The following BBOX1 variants were observed in gnomAD, a reference collection of about 807,000 sequenced individuals.
BBOX1 encodes the protein gamma-butyrobetaine hydroxylase 1.
A neutral mutation model predicts 41.6 loss-of-function variants in BBOX1; 35 were observed. The observed-to-expected ratio is 0.84, with a 90% CI of 0.64 to 1.11. BBOX1 has a LOEUF of 1.11. Among genes scored for constraint, BBOX1 ranks in the 50% most tolerant of loss-of-function variants. BBOX1 has a pLI of 0.00. For missense variants in BBOX1, 458 were observed against 460.6 expected, an observed-to-expected ratio of 0.99 and a Z score of 0.05; for synonymous variants, 163 against 154.7, an observed-to-expected ratio of 1.05 and a Z score of -0.40.
chr11:27,073,299 G>A (rs1185315132), intron 4 of BBOX1, among the ~76,000 whole-genome samples: 3 of 152,172 alleles, frequency 2.0e-5, no homozygotes, highest in African/African-American at 7.2e-5. Flanking sequence ...GCAGCCAACA[G>A]TCACATGAAA....
intron 2 of BBOX1, among the ~76,000 whole-genome samples, chr11:27,042,650 G>A (rs1292568470): frequency 6.6e-6 from 1 of 151,816 alleles, no homozygotes; most frequent in Non-Finnish European, 1.5e-5. Flanking sequence ...GCTTCTAATT[G>A]CTTTATAGAA....
rs1427729847 is a variant in BBOX1 at position 27,119,654 on chromosome 11, G to T, written c.645G>T (p.Gln215His). The stretch of plus-strand genomic sequence containing the variant: ...TGCATATTTTCTTTTTATAGGTTCA[G>T]CTTCTTCACTGCATAAAGCAAACAG... The part of the protein sequence containing the change: ...YPALHHPPGV[Q>H]LLHCIKQTVT... Residue 215 changes from glutamine (Q) to histidine (H), a missense_variant, in exon 7 of 9, where the codon CAG (glutamine) becomes CAT (histidine). By Grantham distance (24) the Gln-to-His change is conservative. Transcript: ENST00000263182. The T allele has an allele frequency of 6.9e-7, 1 of 1,438,922 alleles. No homozygotes were observed. The highest frequency in any genetic ancestry group is 1.8e-5 in the South Asian group (1 of 54,296). The allele number at this position is 1,438,922 out of a possible 1,614,324, so 89.1% of individuals were successfully genotyped here. A position where few individuals can be genotyped will look rare whatever the true frequency, so the allele number is the denominator to read the frequency against.
intron 8 of BBOX1, 104 bp from the exon 9 acceptor site, chr11:27,127,189 T>G: frequency 1.6e-6 from 2 of 1,240,976 alleles, no homozygotes; most frequent in South Asian, 2.7e-5. Flanking sequence ...GCGATGATTC[T>G]TGATGTGAAC....
chr11:27,067,654 CCGAGGCTGAGACAGGAG>C (rs1462463434), intron 4 of BBOX1, among the ~76,000 whole-genome samples: 5 of 69,376 alleles, frequency 7.2e-5, no homozygotes, highest in Non-Finnish European at 1.7e-4. Flanking sequence ...TGCTTGAACC[CCGAGGCTGAGACAGGAG>C]AATTGCTTGA....
In BBOX1 at chr11:27,127,502, A is replaced by T; in HGVS notation, c.*49A>T. Reference sequence around the variant, plus strand: ...AAGATTCCAATGACCATATTTTGTGAGATATGGCACATTATTCACAGACCA... The same window carrying T: ...AAGATTCCAATGACCATATTTTGTGTGATATGGCACATTATTCACAGACCA... On this transcript the variant is annotated 3_prime_UTR_variant, in exon 9 of 9. Transcript: ENST00000263182. 1 of 1,556,926 alleles carries T rather than the reference A, an allele frequency of 6.4e-7. No homozygotes were observed. The highest frequency in any genetic ancestry group is 1.2e-5 in the South Asian group (1 of 83,720).
intron 4 of BBOX1, among the ~76,000 whole-genome samples, chr11:27,085,123 T>C: frequency 6.6e-6 from 1 of 152,180 alleles, no homozygotes. Flanking sequence ...AATTACTCTT[T>C]CAACACATAC....
chr11:27,103,347 G>C (rs139171763), intron 5 of BBOX1, among the ~76,000 whole-genome samples: 3 of 152,126 alleles, frequency 2.0e-5, no homozygotes, highest in African/African-American at 7.2e-5. Flanking sequence ...ATTTTTTTCA[G>C]AAAATGTTTC....
chr11:27,109,808 G>A (rs1454551000), intron 5 of BBOX1, among the ~76,000 whole-genome samples: 2 of 151,800 alleles, frequency 1.3e-5, no homozygotes, highest in Non-Finnish European at 2.9e-5. Context: ...CATAGTGTAT[G>A]GGGGAATACC....
chr11:27,092,468 A>G (rs541686831), intron 4 of BBOX1, among the ~76,000 whole-genome samples: 10 of 152,046 alleles, frequency 6.6e-5, no homozygotes, highest in African/African-American at 2.4e-4. Context: ...TTGCAAGCCA[A>G]TTATTTTTTA....
intron 2 of BBOX1, among the ~76,000 whole-genome samples, chr11:27,047,682 A>C (rs1353726741): frequency 2.0e-5 from 3 of 152,140 alleles, no homozygotes; most frequent in African/African-American, 7.2e-5. Context: ...TTATTCCTAC[A>C]AGAACCTAAG....
intron 4 of BBOX1, among the ~76,000 whole-genome samples, chr11:27,089,191 T>A (rs1420844587): frequency 8.2e-4 from 1 of 1,220 alleles, no homozygotes. Context: ...TTTATTTAAA[T>A]TAATTAAAAT....
chr11:27,086,511 A>C (rs1858045579), intron 4 of BBOX1, among the ~76,000 whole-genome samples: 1 of 152,142 alleles, frequency 6.6e-6, no homozygotes, highest in South Asian at 2.1e-4. Context: ...GTTGAGACTC[A>C]CTGCTCAGAA....
intron 6 of BBOX1, among the ~76,000 whole-genome samples, chr11:27,117,375 T>C (rs551493064): frequency 6.6e-6 from 1 of 152,174 alleles, no homozygotes; most frequent in Admixed American, 6.6e-5. Flanking sequence ...TAAATTATTT[T>C]GTTGATTGTA....
Position 27,119,860 on chromosome 11 carries a change from T to C in BBOX1, c.836+15T>C, listed in dbSNP as rs1428710044. ...AAAATTATAGAGTAAGTACTATTTA[T>C]AAATTTCCCATAGCAATAAAAGAAT... On this transcript the variant is annotated intron_variant, in intron 7 of 8. Transcript: ENST00000263182. 40 of 1,331,894 alleles carry C rather than the reference T, an allele frequency of 3.0e-5. No individual in the cohort carries two copies. Among genetic ancestry groups the C allele is most frequent in the Non-Finnish European group, 3.8e-5 (39 of 1,014,960 alleles). 82.5% of individuals were successfully genotyped at this position (1,331,894 alleles called of 1,614,324 possible). A position where few individuals can be genotyped will look rare whatever the true frequency, so the allele number is the denominator to read the frequency against.
chr11:27,065,216 G>A (rs763586737), intron 4 of BBOX1, among the ~76,000 whole-genome samples: 2 of 152,116 alleles, frequency 1.3e-5, no homozygotes, highest in Non-Finnish European at 2.9e-5. Flanking sequence ...TTTCTCACTG[G>A]TATAATTCTT....
intron 3 of BBOX1, 129 bp from the exon 4 acceptor site, chr11:27,057,064 TAAAAAAAA>T: frequency 2.1e-5 from 3 of 144,816 alleles, no homozygotes; most frequent in South Asian, 1.9e-4. Flanking sequence ...GACTCCGACT[TAAAAAAAA>T]AAAAAAAAAA....
chr11:27,054,853 T>C (rs150835568), intron 2 of BBOX1, among the ~76,000 whole-genome samples: 115 of 152,322 alleles, frequency 7.5e-4, no homozygotes, highest in African/African-American at 2.5e-3. Context: ...ATATTCTGAA[T>C]TGAAGAAACA....
intron 5 of BBOX1, among the ~76,000 whole-genome samples, chr11:27,099,490 A>T (rs1858565669): frequency 1.3e-5 from 2 of 152,078 alleles, no homozygotes; most frequent in Admixed American, 1.3e-4. Context: ...CACTGCATGG[A>T]AGCTATATAA....
chr11:27,095,237 A>G (rs1049821776), intron 5 of BBOX1, among the ~76,000 whole-genome samples: 2 of 152,002 alleles, frequency 1.3e-5, no homozygotes, highest in East Asian at 1.9e-4. Flanking sequence ...TTTGCTGACA[A>G]CAAACTTTTT....
Sources: allele counts gnomAD v4.1 joint callset (sites outside exome capture counted in the v4.1 genomes callset), GRCh38; gene constraint gnomAD v4.1.1; transcripts MANE v1.5; gene names NCBI Gene and HGNC (gene_info 2026-07-23, HGNC 2026-07-21).